Variants in SYT14 observed in about 807,000 individuals in gnomAD.
SYT14 encodes synaptotagmin 14, also known as synaptotagmin-14.
In SYT14, 32 loss-of-function variants were observed where a neutral mutation model predicts 74.2. The observed-to-expected ratio is 0.43, with a 90% CI of 0.33 to 0.58. The LOEUF is 0.58. Ranked by LOEUF, SYT14 falls within the 20% of genes least tolerant of loss-of-function variation. SYT14 has a pLI of 0.05. For synonymous variants in SYT14, 298 were observed against 337.7 expected (o/e 0.88, Z 1.29); for missense variants, 791 against 981.8 (o/e 0.81, Z 2.60).
rs2081340734 is a variant in SYT14 at position 210,068,737 on chromosome 1, T to G, written c.1313-25585T>G. On this transcript the variant is annotated intron_variant, in intron 5 of 9. Coordinates refer to ENST00000637265, the Ensembl canonical transcript of SYT14. ...TTTCAGGGTTTTTAAAAAATAATTC[T>G]TTAATTATTTCAAGGAAACATTTTG... Among the ~76,000 whole-genome samples the G allele has an allele frequency of 3.3e-5, 5 of 151,734 alleles. No homozygotes were observed. The South Asian group carries it at 1.0e-3, about 31-fold the overall frequency.
chr1:209,945,792 G>T (rs1247439118), intron 1 of SYT14, among the ~76,000 whole-genome samples: 4 of 152,130 alleles, frequency 2.6e-5, no homozygotes, highest in Non-Finnish European at 5.9e-5. Context: ...AAATTTTGAG[G>T]TTTAATTCCA....
rs539672027 is a variant in SYT14 at position 210,077,412 on chromosome 1, G to A, written c.1313-16910G>A. On this transcript the variant is annotated intron_variant, in intron 5 of 9. Coordinates refer to ENST00000637265, the Ensembl canonical transcript of SYT14. ...TATCTCAGCATGAGATTAGGTGGGG[G>A]CAAATATCCAAACCATATCAATTGC... Among the ~76,000 whole-genome samples the A allele has an allele frequency of 2.6e-5, 4 of 152,294 alleles. No individual in the cohort carries two copies. In the South Asian group the frequency reaches 8.3e-4, roughly 32 times the overall value.
At chr1:210,156,711 T>TTTTTTTG (rs2083275402) in intron 8 of SYT14, among the ~76,000 whole-genome samples, 4 of 93,514 alleles carry the variant, frequency 4.3e-5, no homozygotes, top group African/African-American at 1.1e-4. Context: ...TTTTTTTTTT[T>TTTTTTTG]GGAGACAGTT....
At chr1:209,967,409 C>G (rs551098538) in intron 2 of SYT14, among the ~76,000 whole-genome samples, 1 of 152,126 alleles carries the variant, frequency 6.6e-6, no homozygotes, top group Non-Finnish European at 1.5e-5. Context: ...ATGTTTGGTA[C>G]AGTTCACTAG....
At chr1:210,135,002 A>G (rs1426012681) in intron 7 of SYT14, among the ~76,000 whole-genome samples, 2 of 151,396 alleles carry the variant, frequency 1.3e-5, no homozygotes, top group Non-Finnish European at 2.9e-5. Context: ...TTTTTCAAAA[A>G]CAGAGTCTCA....
intron 6 of SYT14, among the ~76,000 whole-genome samples, chr1:210,096,370 C>T (rs2081966575): frequency 6.6e-6 from 1 of 152,178 alleles, no homozygotes; most frequent in East Asian, 1.9e-4. Flanking sequence ...ATTGTGTGTG[C>T]ATGTGTGTGT....
At chr1:210,003,469 T>C (rs1381000581) in intron 2 of SYT14, among the ~76,000 whole-genome samples, 3 of 152,180 alleles carry the variant, frequency 2.0e-5, no homozygotes, top group Non-Finnish European at 2.9e-5. Context: ...GTTATTCTAA[T>C]GGAGTTTTCT....
At chr1:210,126,632 T>C (rs1215023258) in intron 7 of SYT14, among the ~76,000 whole-genome samples, 1 of 152,250 alleles carries the variant, frequency 6.6e-6, no homozygotes, top group Non-Finnish European at 1.5e-5. Flanking sequence ...GTCAAGATTG[T>C]GATTTTTAGG....
chr1:210,028,559 A>G lies in SYT14; in HGVS notation c.1312+7305A>G, dbSNP rs577012943. 7.9e-5 allele frequency among the ~76,000 whole-genome samples: 12 copies of G among 152,286 alleles called. No individual in the cohort carries two copies. In the East Asian group the frequency reaches 2.3e-3, roughly 29 times the overall value. ...TTGTGACCAACTTATTTCACTTAGC[A>G]TAATGTCCCCAGTTTCGTCTGTGTT... is the stretch of plus-strand genomic sequence containing the variant. On this transcript the variant is annotated intron_variant, in intron 5 of 9. Coordinates refer to ENST00000637265, the Ensembl canonical transcript of SYT14.
intron 5 of SYT14, among the ~76,000 whole-genome samples, chr1:210,059,709 C>T (rs541140611): frequency 5.3e-5 from 8 of 152,094 alleles, no homozygotes; most frequent in African/African-American, 1.7e-4. Flanking sequence ...ACCTCAGGCC[C>T]GATAGCCTGA....
At chr1:210,040,166 A>T (rs1303680197) in intron 5 of SYT14, among the ~76,000 whole-genome samples, 5 of 152,206 alleles carry the variant, frequency 3.3e-5, no homozygotes, top group Admixed American at 6.5e-5. Flanking sequence ...TGGCACATAT[A>T]CACCATGGAA....
intron 2 of SYT14, among the ~76,000 whole-genome samples, chr1:209,955,378 C>T (rs571110146): frequency 2.4e-4 from 36 of 152,306 alleles, no homozygotes; most frequent in South Asian, 1.9e-3. Context: ...TACCCAGTTA[C>T]GCAACTCCTA....
chr1:209,985,514 G>A (rs1163468464), intron 2 of SYT14, among the ~76,000 whole-genome samples: 1 of 152,200 alleles, frequency 6.6e-6, no homozygotes, highest in Non-Finnish European at 1.5e-5. Flanking sequence ...TTGAGTGCTT[G>A]TGGCTTTTCC....
intron 2 of SYT14, among the ~76,000 whole-genome samples, chr1:210,004,791 C>A (rs1330425576): frequency 6.6e-6 from 1 of 151,962 alleles, no homozygotes; most frequent in Non-Finnish European, 1.5e-5. Flanking sequence ...TGTATCTTTT[C>A]TCAAAGCTTT....
chr1:210,079,448 G>A (rs890561269), intron 5 of SYT14, among the ~76,000 whole-genome samples: 4 of 152,042 alleles, frequency 2.6e-5, no homozygotes, highest in South Asian at 2.1e-4. Context: ...TGTCAGGTAG[G>A]GTTGTGTTTT....
chr1:209,989,771 T>C (rs2079632569), intron 2 of SYT14, among the ~76,000 whole-genome samples: 1 of 152,176 alleles, frequency 6.6e-6, no homozygotes. Context: ...ATGGCTAATA[T>C]GAAAATATAT....
At chr1:210,139,199 G>A (rs1043454340) in intron 7 of SYT14, among the ~76,000 whole-genome samples, 109 of 149,134 alleles carry the variant, frequency 7.3e-4, no homozygotes, top group Non-Finnish European at 1.5e-5. Flanking sequence ...CAATTCTCGT[G>A]CCTCAGCCTC....
In SYT14 at chr1:210,114,960, G is replaced by A. The variant is rs1485444445; in HGVS notation, c.2034+14499G>A. Among the ~76,000 whole-genome samples the A allele has an allele frequency of 2.6e-5, 4 of 151,078 alleles. 1 individual carries two copies. Among genetic ancestry groups the A allele is most frequent in the African/African-American group, 9.9e-5 (4 of 40,458 alleles). ...AGCAATGCTTAGGGTTGGGACTGAGGGGACAGGCAGGAGGGAAAGAAGGAA... is the reference window on the plus strand; with the variant it reads ...AGCAATGCTTAGGGTTGGGACTGAGAGGACAGGCAGGAGGGAAAGAAGGAA... On this transcript the variant is annotated intron_variant, in intron 7 of 9. Coordinates refer to ENST00000637265, the Ensembl canonical transcript of SYT14.
intron 5 of SYT14, among the ~76,000 whole-genome samples, chr1:210,061,376 C>T (rs532904754): frequency 3.9e-5 from 6 of 151,978 alleles, no homozygotes; most frequent in East Asian, 1.9e-4. Context: ...CTTGCCTATG[C>T]GAATTTTAAA....
Sources: gnomAD v4.1 joint callset for allele counts (sites outside exome capture counted in the v4.1 genomes callset) on GRCh38, gnomAD v4.1.1 for gene constraint, MANE v1.5 for transcripts, NCBI Gene and HGNC (gene_info 2026-07-23, HGNC 2026-07-21) for gene names.